GRM1: variants seen among roughly 807,000 people sequenced by gnomAD.
GRM1 encodes the protein glutamate metabotropic receptor 1.
GRM1 carries 33 observed loss-of-function variants against 90.9 expected under a neutral mutation model. The ratio of observed to expected loss-of-function variants is 0.36; its 90% confidence interval spans 0.28 to 0.49. The LOEUF is 0.49. Among genes scored for constraint, GRM1 ranks in the 20% least tolerant of loss-of-function variants. The pLI is 0.99. For missense variants in GRM1, 1,190 were observed against 1,534.3 expected (o/e 0.78, Z 3.75); for synonymous variants, 700 against 613.2 (o/e 1.14, Z -2.09).
At chr6:146,357,375 G>T in intron 4 of GRM1, 151 bp from the exon 5 acceptor site, 1 of 672,768 alleles carries the variant, frequency 1.5e-6, no homozygotes, top group Non-Finnish European at 2.7e-6. Flanking sequence ...ATAATCAGAG[G>T]AAACATAAGA....
At chr6:146,136,389 C>A (rs1009742823) in intron 1 of GRM1, among the ~76,000 whole-genome samples, 17 of 152,144 alleles carry the variant, frequency 1.1e-4, no homozygotes, top group African/African-American at 3.4e-4. Flanking sequence ...TAATTTACAT[C>A]CCTACCAACA....
At chr6:146,063,870 T>C (rs767209855) in intron 1 of GRM1, among the ~76,000 whole-genome samples, 1 of 152,174 alleles carries the variant, frequency 6.6e-6, no homozygotes, top group Non-Finnish European at 1.5e-5. Context: ...TTTAAATATA[T>C]TGCATACTCA....
chr6:146,031,589 G>A (rs747060406), intron 1 of GRM1, among the ~76,000 whole-genome samples: 9 of 152,120 alleles, frequency 5.9e-5, no homozygotes, highest in Non-Finnish European at 1.3e-4. Context: ...ACTATCTGCT[G>A]TGATATTATA....
chr6:146,193,290 G>T (rs535667792), intron 2 of GRM1, among the ~76,000 whole-genome samples: 1 of 152,278 alleles, frequency 6.6e-6, no homozygotes, highest in South Asian at 2.1e-4. Context: ...GAAATCATGT[G>T]TCTGGATGAG....
At chr6:146,033,926 G>A (rs1790795008) in intron 1 of GRM1, among the ~76,000 whole-genome samples, 1 of 151,928 alleles carries the variant, frequency 6.6e-6, no homozygotes, top group African/African-American at 2.4e-5. Flanking sequence ...CTATGTACCA[G>A]TAACTTTCTA....
chr6:146,298,506 A>T (rs779747789), intron 2 of GRM1, among the ~76,000 whole-genome samples: 11 of 152,182 alleles, frequency 7.2e-5, no homozygotes, highest in Admixed American at 4.6e-4. Flanking sequence ...CAACTTCAAA[A>T]CTGGGTCCAT....
At chr6:146,085,542 G>C (rs1249155874) in intron 1 of GRM1, among the ~76,000 whole-genome samples, 2 of 152,068 alleles carry the variant, frequency 1.3e-5, no homozygotes, top group Admixed American at 6.5e-5. Context: ...AAGCTGACTA[G>C]ACCCTTTGTT....
chr6:146,370,892 A>G (rs1271480527), intron 5 of GRM1, among the ~76,000 whole-genome samples: 3 of 152,060 alleles, frequency 2.0e-5, no homozygotes, highest in Admixed American at 6.6e-5. Context: ...TTGACTTAAT[A>G]TATGTCAACT....
chr6:146,140,331 C>T (rs1288086572), intron 1 of GRM1, among the ~76,000 whole-genome samples: 1 of 151,780 alleles, frequency 6.6e-6, no homozygotes, highest in Admixed American at 6.6e-5. Flanking sequence ...GTGCAGTGCA[C>T]GATCTCAGCT....
At chr6:146,207,763 T>A (rs1779544462) in intron 2 of GRM1, among the ~76,000 whole-genome samples, 1 of 152,180 alleles carries the variant, frequency 6.6e-6, no homozygotes, top group Non-Finnish European at 1.5e-5. Flanking sequence ...CAAACAGACA[T>A]GTGTTTGAAT....
intron 3 of GRM1, among the ~76,000 whole-genome samples, chr6:146,310,032 A>G (rs1474180072): frequency 1.3e-5 from 2 of 152,222 alleles, no homozygotes; most frequent in Non-Finnish European, 2.9e-5. Flanking sequence ...GATGGACACA[A>G]TGACTTTTAA....
chr6:146,158,048 A>G (rs1777581952), intron 1 of GRM1, among the ~76,000 whole-genome samples: 1 of 152,226 alleles, frequency 6.6e-6, no homozygotes, highest in African/African-American at 2.4e-5. Context: ...GTGATGTAGT[A>G]TAATTTCCTT....
intron 2 of GRM1, among the ~76,000 whole-genome samples, chr6:146,229,996 A>C (rs1343652532): frequency 6.6e-6 from 1 of 152,202 alleles, no homozygotes; most frequent in Non-Finnish European, 1.5e-5. Flanking sequence ...CATTAGAAGC[A>C]CAAGGCAACA....
intron 7 of GRM1, among the ~76,000 whole-genome samples, chr6:146,417,223 T>G (rs1450611367): frequency 6.6e-6 from 1 of 152,190 alleles, no homozygotes; most frequent in African/African-American, 2.4e-5. Context: ...TCCTTCTAAT[T>G]TGTTGATCCG....
rs546999203 is a variant in GRM1 at position 146,323,251 on chromosome 6, G to A, written c.1186+18405G>A. Among the ~76,000 whole-genome samples the A allele has an allele frequency of 3.9e-5, 6 of 152,306 alleles. No homozygotes were observed. In the South Asian group the frequency reaches 1.2e-3, roughly 32 times the overall value. ...TTTCTCCACATCCTCTCCAGCACCT[G>A]TTGTTTCCTGACTTTTTAATGATTG... On this transcript the variant is annotated intron_variant, in intron 3 of 7. Coordinates refer to ENST00000282753, the MANE Select transcript of GRM1 (RefSeq NM_001278064.2).
chr6:146,123,138 C>T (rs562660521), intron 1 of GRM1, among the ~76,000 whole-genome samples: 13 of 152,044 alleles, frequency 8.6e-5, no homozygotes, highest in Admixed American at 2.0e-4. Context: ...CCACCGTGCC[C>T]GGCCTGTGAT....
In GRM1 at chr6:146,177,269, G is replaced by A. The variant is rs1778370946; in HGVS notation, c.950+17672G>A. Among the ~76,000 whole-genome samples the A allele has an allele frequency of 2.6e-5, 4 of 152,046 alleles. No individual in the cohort carries two copies. The South Asian group carries it at 6.2e-4, about 24-fold the overall frequency. ...ACTAGAACTGACATGTATTCCCAGA[G>A]TGACTTCCTCTGACAACTCACAGCA... is the stretch of plus-strand genomic sequence containing the variant. On this transcript the variant is annotated intron_variant, in intron 2 of 7. Coordinates refer to ENST00000282753, the MANE Select transcript of GRM1 (RefSeq NM_001278064.2).
At chr6:146,356,697 G>C (rs1419551963) in intron 4 of GRM1, among the ~76,000 whole-genome samples, 1 of 152,132 alleles carries the variant, frequency 6.6e-6, no homozygotes, top group East Asian at 1.9e-4. Context: ...TTCCTAAGTA[G>C]TATAATCTAC....
chr6:146,402,727 G>A (rs536358585), intron 7 of GRM1, among the ~76,000 whole-genome samples: 14 of 152,242 alleles, frequency 9.2e-5, no homozygotes, highest in African/African-American at 1.9e-4. Context: ...CAAGTCCAAC[G>A]GCATTCTCAT....
Sources: allele counts gnomAD v4.1 joint callset (sites outside exome capture counted in the v4.1 genomes callset), GRCh38; gene constraint gnomAD v4.1.1; transcripts MANE v1.5; gene names NCBI Gene and HGNC (gene_info 2026-07-23, HGNC 2026-07-21).